NOP9: variants seen among roughly 807,000 people sequenced by gnomAD.
NOP9 encodes nucleolar protein 9.
NOP9 carries 50 observed loss-of-function variants against 63.0 expected under a neutral mutation model. The observed-to-expected ratio is 0.79, with a 90% CI of 0.63 to 1.00. The LOEUF is 1.00. Ranked by LOEUF, NOP9 falls within the 50% of genes least tolerant of loss-of-function variation. The pLI is 0.00. For missense variants in NOP9, 758 were observed against 803.0 expected, an observed-to-expected ratio of 0.94 and a Z score of 0.68; for synonymous variants, 343 against 332.8, an observed-to-expected ratio of 1.03 and a Z score of -0.33.
At chr14:24,287,246 G>T in the NOP9 span, among the ~76,000 whole-genome samples, 1 of 152,136 alleles carries the variant, frequency 6.6e-6, no homozygotes, top group Non-Finnish European at 1.5e-5. Context: ...GACTGCCTTT[G>T]GCCTCCTGGA....
At chr14:24,301,785 G>GC in intron 3 of NOP9, 63 bp downstream of exon 3, 2 of 1,566,554 alleles carry the variant, frequency 1.3e-6, no homozygotes, top group Non-Finnish European at 1.8e-6. Flanking sequence ...TTACCACCAA[G>GC]CAAGGCCCTT....
chr14:24,298,819 T>C, upstream of NOP9: 1 of 1,105,882 alleles, frequency 9.0e-7, no homozygotes, highest in South Asian at 2.4e-5. Flanking sequence ...ACGGGGTTTT[T>C]AATTTCCACT....
the NOP9 span, among the ~76,000 whole-genome samples, chr14:24,282,215 A>G: frequency 1.3e-5 from 2 of 152,142 alleles, no homozygotes; most frequent in African/African-American, 4.8e-5. Context: ...AACCAGACAC[A>G]AGAAAGCAGA....
rs2041423745 is a variant in NOP9 at position 24,303,854 on chromosome 14, C to G, written c.1407C>G (p.His469Gln). 6.2e-7 allele frequency: 1 copy of G among 1,613,932 alleles called. No homozygotes were observed. The highest frequency in any genetic ancestry group is 8.5e-7 in the Non-Finnish European group (1 of 1,179,858). ...TEEEGAVPAE[H>Q]QVAMAAARAL... ...AGGAGGGGGCAGTGCCTGCAGAGCA[C>G]CAGGTGAGGTAGGGGAGAGGCCAAG... The change falls in exon 7 of 10, where the codon CAC becomes CAG. Residue 469 changes from histidine to glutamine, a missense_variant. Coordinates refer to ENST00000267425, the MANE Select transcript of NOP9 (RefSeq NM_174913.3).
Position 24,307,407 on chromosome 14 carries a change from G to T in NOP9, c.*2312G>T, listed in dbSNP as rs2041546121. 6.2e-7 allele frequency: 1 copy of T among 1,613,810 alleles called. No homozygotes were observed. Among genetic ancestry groups the T allele is most frequent in the African/African-American group, 1.3e-5 (1 of 74,868 alleles). ...GCTCCTGGCGGGTGGCAGCTGTCAG[G>T]CCTTTCCGGATGGTCCGCTTGTGAT... On this transcript the variant is annotated 3_prime_UTR_variant, in exon 10 of 10. Coordinates refer to ENST00000267425, the MANE Select transcript of NOP9 (RefSeq NM_174913.3).
chr14:24,307,503 A>G lies in NOP9; in HGVS notation c.*2408A>G, dbSNP rs1188213884. ...CCCTCCGTCCAAACTCCGAGCTTAT[A>G]TTAGATACTGACCTGGTAGTTGAGA... On this transcript the variant is annotated 3_prime_UTR_variant, in exon 10 of 10. Coordinates refer to ENST00000267425, the MANE Select transcript of NOP9 (RefSeq NM_174913.3). The G allele has an allele frequency of 1.9e-6, 3 of 1,613,810 alleles. No individual in the cohort carries two copies. The highest frequency in any genetic ancestry group is 2.5e-6 in the Non-Finnish European group (3 of 1,179,874).
chr14:24,300,016 G>A lies in NOP9; in HGVS notation c.62G>A (p.Arg21Gln), dbSNP rs183868211. Residue 21 changes from arginine to glutamine, a missense_variant, in exon 1 of 10, where the codon CGG becomes CAG. Physicochemically the swap from Arg to Gln is conservative, Grantham distance 43. Transcript: ENST00000267425. The part of the protein sequence containing the change: ...VGRRFPAGGK[R>Q]GRGAKGSGRP... ...CGCCGGTTCCCAGCTGGTGGCAAAC[G>A]GGGGCGCGGGGCCAAGGGGTCGGGG... 1.9e-6 allele frequency: 3 copies of A among 1,601,014 alleles called. No homozygotes were observed. Among genetic ancestry groups the A allele is most frequent in the South Asian group, 2.2e-5 (2 of 90,702 alleles).
chr14:24,284,608 G>A, the NOP9 span, among the ~76,000 whole-genome samples: 4 of 152,086 alleles, frequency 2.6e-5, no homozygotes, highest in East Asian at 1.9e-4. Context: ...GAGGGGCTGC[G>A]GCAAAGGACT....
chr14:24,303,386 ATTT>A (rs3052629), intron 6 of NOP9, among the ~76,000 whole-genome samples, 172 bp downstream of exon 6: 8 of 140,170 alleles, frequency 5.7e-5, no homozygotes, highest in Non-Finnish European at 7.8e-5. Context: ...TACCCAGCTA[ATTT>A]TTTTTTTTTT....
chr14:24,290,109 G>C, the NOP9 span, among the ~76,000 whole-genome samples: 2 of 152,254 alleles, frequency 1.3e-5, no homozygotes, highest in African/African-American at 4.8e-5. Flanking sequence ...TCTTGCATAG[G>C]CAAGGCAGCT....
intron 6 of NOP9, 108 bp from the exon 7 acceptor site, chr14:24,303,624 C>A: frequency 8.7e-7 from 1 of 1,143,716 alleles, no homozygotes; most frequent in Non-Finnish European, 1.3e-6. Flanking sequence ...ATGGAGCTAA[C>A]ATTCTTGTGG....
Position 24,308,241 on chromosome 14 carries a change from A to C in NOP9, c.*3146A>C. 6.9e-6 allele frequency: 2 copies of C among 289,220 alleles called. No individual in the cohort carries two copies. Among genetic ancestry groups the C allele is most frequent in the Non-Finnish European group, 1.3e-5 (2 of 148,784 alleles). 17.9% of individuals were successfully genotyped at this position (289,220 alleles called of 1,614,324 possible). Reference sequence around the variant, plus strand: ...CGGTTTCTGGCTCTCAGGCTCTGAGAAGCTGCAGTTTATGAGTGGCTCTGT... The same window carrying C: ...CGGTTTCTGGCTCTCAGGCTCTGAGCAGCTGCAGTTTATGAGTGGCTCTGT... On this transcript the variant is annotated 3_prime_UTR_variant, in exon 10 of 10. Coordinates refer to ENST00000267425, the MANE Select transcript of NOP9 (RefSeq NM_174913.3).
the NOP9 span, chr14:24,292,052 A>T: frequency 8.9e-7 from 1 of 1,126,970 alleles, no homozygotes; most frequent in Non-Finnish European, 1.3e-6. Flanking sequence ...TAAAGGAAAT[A>T]ATGTGTGTCC....
chr14:24,284,152 C>A, the NOP9 span, among the ~76,000 whole-genome samples: 1 of 152,178 alleles, frequency 6.6e-6, no homozygotes, highest in Admixed American at 6.5e-5. Flanking sequence ...GTCCTGTCAC[C>A]CCCCAGGAAG....
chr14:24,303,060 A>C lies in NOP9; in HGVS notation c.1144-14A>C, dbSNP rs1399475654. The C allele has an allele frequency of 6.6e-7, 1 of 1,507,704 alleles. No homozygotes were observed. 93.4% of individuals were successfully genotyped at this position (1,507,704 alleles called of 1,614,324 possible). A position where few individuals can be genotyped will look rare whatever the true frequency, so the allele number is the denominator to read the frequency against. On this transcript the variant is annotated splice_polypyrimidine_tract_variant and intron_variant, in intron 5 of 9. Coordinates refer to ENST00000267425, the MANE Select transcript of NOP9 (RefSeq NM_174913.3). ...TACCAGAATGCCAGAGTTACATTCC[A>C]TGTTTCCCATCAGCTGTCCCCTGTG...
At chr14:24,290,808 A>G in the NOP9 span, 2 of 1,609,962 alleles carry the variant, frequency 1.2e-6, no homozygotes, top group Non-Finnish European at 1.7e-6. Context: ...AGGACGAACC[A>G]CCAAGTCCAA....
intron 5 of NOP9, 83 bp downstream of exon 5, chr14:24,302,507 A>G: frequency 7.5e-7 from 1 of 1,330,970 alleles, no homozygotes; most frequent in East Asian, 2.3e-5. Flanking sequence ...GCCTCTATAT[A>G]CCTTTGACAT....
Position 24,308,949 on chromosome 14 carries a change from T to C in NOP9, c.*3854T>C, listed in dbSNP as rs563794436. The C allele has an allele frequency of 6.6e-6, 1 of 152,346 alleles. No individual in the cohort carries two copies. The highest frequency in any genetic ancestry group is 2.4e-5 in the African/African-American group (1 of 41,578). 9.4% of individuals were successfully genotyped at this position (152,346 alleles called of 1,614,324 possible). On this transcript the variant is annotated 3_prime_UTR_variant, in exon 10 of 10. Coordinates refer to ENST00000267425, the MANE Select transcript of NOP9 (RefSeq NM_174913.3). ...GTATTCAGGTTGTTGCCCAAAACACTGAAAAAAACTGGCCCTGGCCCTGAA... is the reference window on the plus strand; with the variant it reads ...GTATTCAGGTTGTTGCCCAAAACACCGAAAAAAACTGGCCCTGGCCCTGAA...
At chr14:24,278,774 T>A in the NOP9 span, among the ~76,000 whole-genome samples, 2 of 152,226 alleles carry the variant, frequency 1.3e-5, no homozygotes, top group South Asian at 4.1e-4. Flanking sequence ...ACAATGGGGC[T>A]CATAGGCCCC....
Sources: gnomAD v4.1 joint callset for allele counts (sites outside exome capture counted in the v4.1 genomes callset) on GRCh38, gnomAD v4.1.1 for gene constraint, MANE v1.5 for transcripts, NCBI Gene and HGNC (gene_info 2026-07-23, HGNC 2026-07-21) for gene names.